The following JAZF1 variants were observed in gnomAD, a reference collection of about 807,000 sequenced individuals.
The protein encoded by JAZF1 is JAZF zinc finger 1, also known as juxtaposed with another zinc finger protein 1.
JAZF1 carries 8 observed loss-of-function variants against 26.4 expected under a neutral mutation model. That is an observed-to-expected ratio of 0.30 (90% CI 0.18 to 0.55). JAZF1 has a LOEUF of 0.55. Ranked by LOEUF, JAZF1 falls within the 20% of genes least tolerant of loss-of-function variation. JAZF1 has a pLI of 0.94. For synonymous variants in JAZF1, 126 were observed against 122.3 expected, an observed-to-expected ratio of 1.03 and a Z score of -0.20; for missense variants, 199 against 322.0, an observed-to-expected ratio of 0.62 and a Z score of 2.92.
At chr7:27,938,883 T>C (rs1472691960) in intron 2 of JAZF1, among the ~76,000 whole-genome samples, 1 of 151,832 alleles carries the variant, frequency 6.6e-6, no homozygotes, top group Non-Finnish European at 1.5e-5. Flanking sequence ...TCAAGCCATC[T>C]ACCCACCTTG....
At chr7:28,121,125 G>A (rs1278638003) in intron 1 of JAZF1, among the ~76,000 whole-genome samples, 2 of 145,432 alleles carry the variant, frequency 1.4e-5, no homozygotes, top group Non-Finnish European at 3.0e-5. Flanking sequence ...CTTTGAATCT[G>A]GGAGGCAGAA....
At chr7:27,936,597 C>T (rs763551579) in intron 2 of JAZF1, among the ~76,000 whole-genome samples, 8 of 152,160 alleles carry the variant, frequency 5.3e-5, no homozygotes, top group Non-Finnish European at 1.2e-4. Context: ...TGGTTATATC[C>T]AATGCACAAA....
intron 1 of JAZF1, among the ~76,000 whole-genome samples, chr7:27,997,438 T>C (rs1418090985): frequency 6.6e-6 from 1 of 152,180 alleles, no homozygotes; most frequent in Non-Finnish European, 1.5e-5. Context: ...TAAGTGGGTG[T>C]GGAGAAAAGA....
chr7:28,034,988 C>A (rs1053476424), intron 1 of JAZF1, among the ~76,000 whole-genome samples: 1 of 152,010 alleles, frequency 6.6e-6, no homozygotes, highest in African/African-American at 2.4e-5. Context: ...GAAGGCTGAG[C>A]CGTTACCGTC....
chr7:27,888,020 A>G (rs1487821967), intron 3 of JAZF1, among the ~76,000 whole-genome samples: 1 of 152,224 alleles, frequency 6.6e-6, no homozygotes, highest in Non-Finnish European at 1.5e-5. Flanking sequence ...AATAAACTGT[A>G]GGCCAGGAAA....
At chr7:28,132,804 A>AT (rs1441545785) in intron 1 of JAZF1, among the ~76,000 whole-genome samples, 3 of 152,192 alleles carry the variant, frequency 2.0e-5, no homozygotes, top group Non-Finnish European at 4.4e-5. Context: ...TAAATATTCA[A>AT]TTTACAAACA....
intron 4 of JAZF1, among the ~76,000 whole-genome samples, chr7:27,835,196 A>C (rs948124399): frequency 6.6e-6 from 1 of 152,252 alleles, no homozygotes; most frequent in Non-Finnish European, 1.5e-5. Context: ...AACCAAAAAT[A>C]GAAAAGCATT....
intron 2 of JAZF1, among the ~76,000 whole-genome samples, chr7:27,981,573 C>T (rs1023331511): frequency 4.0e-5 from 6 of 151,876 alleles, no homozygotes; most frequent in Non-Finnish European, 7.4e-5. Context: ...GTACAGCTCT[C>T]AATTAAAAAA....
intron 2 of JAZF1, among the ~76,000 whole-genome samples, chr7:27,944,393 GC>G (rs1171042405): frequency 6.6e-6 from 1 of 152,160 alleles, no homozygotes; most frequent in African/African-American, 2.4e-5. Context: ...CCAACCATTT[GC>G]CATTTGGCTT....
At chr7:28,145,044 C>T (rs1265227106) in intron 1 of JAZF1, among the ~76,000 whole-genome samples, 1 of 152,204 alleles carries the variant, frequency 6.6e-6, no homozygotes, top group Non-Finnish European at 1.5e-5. Flanking sequence ...ACGTTCAATA[C>T]TGCTAGATCT....
chr7:28,130,389 G>C (rs554266399), intron 1 of JAZF1, among the ~76,000 whole-genome samples: 1 of 152,270 alleles, frequency 6.6e-6, no homozygotes, highest in South Asian at 2.1e-4. Flanking sequence ...CAACTAGGGA[G>C]TGGTTGAAAA....
intron 3 of JAZF1, among the ~76,000 whole-genome samples, chr7:27,890,346 G>A (rs1287727016): frequency 6.6e-6 from 1 of 152,176 alleles, no homozygotes; most frequent in East Asian, 1.9e-4. Flanking sequence ...CTGGCTGAAT[G>A]AAACTGTTAA....
chr7:27,895,341 C>T lies in JAZF1; in HGVS notation c.264G>A (p.Leu88=). The T allele has an allele frequency of 6.2e-7, 1 of 1,610,480 alleles. No homozygotes were observed. The highest frequency in any genetic ancestry group is 8.5e-7 in the Non-Finnish European group (1 of 1,178,512). The change falls in exon 3 of 5, where the codon CTG becomes CTA. Residue 88 remains leucine, a synonymous_variant. Coordinates refer to ENST00000283928, the MANE Select transcript of JAZF1 (RefSeq NM_175061.4). ...CATTCCCTCGAGACACTGAGCTGGA[C>T]AGAGTCAGCGAGAGCTTCGGCTGAA... is the stretch of plus-strand genomic sequence containing the variant. ...KKIQPKLSLT[L]SSSVSRGNVS... is the part of the protein sequence containing the mutation.
At chr7:28,094,048 C>A (rs888392143) in intron 1 of JAZF1, among the ~76,000 whole-genome samples, 1 of 152,156 alleles carries the variant, frequency 6.6e-6, no homozygotes, top group Non-Finnish European at 1.5e-5. Context: ...TATGAAAGCA[C>A]ATAAATAAAA....
intron 1 of JAZF1, among the ~76,000 whole-genome samples, chr7:28,075,778 T>C (rs1281287903): frequency 6.6e-6 from 1 of 152,220 alleles, no homozygotes; most frequent in East Asian, 1.9e-4. Flanking sequence ...GGCTGTGCAC[T>C]ATTTTTAGGG....
chr7:27,869,846 G>C (rs1419096276), intron 3 of JAZF1, among the ~76,000 whole-genome samples: 1 of 152,154 alleles, frequency 6.6e-6, no homozygotes, highest in Non-Finnish European at 1.5e-5. Flanking sequence ...AGGCTGGTTT[G>C]AATTTCTGTG....
intron 1 of JAZF1, among the ~76,000 whole-genome samples, chr7:28,170,307 T>C (rs1783435095): frequency 6.6e-6 from 1 of 151,168 alleles, no homozygotes; most frequent in Non-Finnish European, 1.5e-5. Context: ...GATTTTAATT[T>C]TGGAAATCTG....
intron 1 of JAZF1, among the ~76,000 whole-genome samples, chr7:28,018,989 C>G (rs1782950403): frequency 6.6e-6 from 1 of 152,158 alleles, no homozygotes; most frequent in African/African-American, 2.4e-5. Context: ...AAGAAGCCTG[C>G]CAAAGTCACC....
chr7:27,944,340 G>GC (rs1423856551), intron 2 of JAZF1, among the ~76,000 whole-genome samples: 2 of 152,202 alleles, frequency 1.3e-5, no homozygotes, highest in African/African-American at 4.8e-5. Flanking sequence ...GGTTTTAATG[G>GC]CCTTCGCTTG....
Sources: allele counts gnomAD v4.1 joint callset (sites outside exome capture counted in the v4.1 genomes callset), GRCh38; gene constraint gnomAD v4.1.1; transcripts MANE v1.5; gene names NCBI Gene and HGNC (gene_info 2026-07-23, HGNC 2026-07-21).